The following TBC1D31 variants were observed in gnomAD, a reference collection of about 807,000 sequenced individuals.
TBC1D31 encodes the protein TBC1 domain family member 31.
Under a neutral mutation model 132.9 loss-of-function variants are expected in TBC1D31, and 99 were observed. That is an observed-to-expected ratio of 0.74 (90% CI 0.63 to 0.88). The LOEUF (loss-of-function observed/expected upper bound fraction) is 0.88, where lower values mean the gene tolerates loss of function less well. TBC1D31 is among the 40% of genes least tolerant of loss of function. The pLI, the probability that TBC1D31 is intolerant of heterozygous loss-of-function variation, is 0.00. For synonymous variants in TBC1D31, 385 were observed against 419.4 expected (o/e 0.92, Z 1.00); for missense variants, 1,134 against 1,256.6 (o/e 0.90, Z 1.48).
At chr8:123,152,605 T>A (rs542722190), downstream of TBC1D31, among the ~76,000 whole-genome samples, 1 of 152,316 alleles carries the variant, frequency 6.6e-6, no homozygotes, top group Non-Finnish European at 1.5e-5. Flanking sequence ...ACGTGGTGGC[T>A]CACACCTGTA....
intron 8 of TBC1D31, among the ~76,000 whole-genome samples, chr8:123,106,473 G>A (rs988143196): frequency 1.3e-5 from 2 of 152,096 alleles, no homozygotes; most frequent in Non-Finnish European, 2.9e-5. Flanking sequence ...TATTAGTTAT[G>A]ATAATCTATT....
rs762859502 is a variant in TBC1D31 at position 123,084,192 on chromosome 8, G to C, written c.371G>C (p.Gly124Ala). The C allele has an allele frequency of 2.5e-6, 4 of 1,614,020 alleles. No individual in the cohort carries two copies. The highest frequency in any genetic ancestry group is 1.7e-5 in the Admixed American group (1 of 60,002). The change falls in exon 4 of 22, where the codon GGA becomes GCA. Residue 124 changes from glycine (G) to alanine (A), a missense_variant. Transcript: ENST00000287380. ...AAGGAGCTAGTTAGCTGGATGAGAGGACATGAATCATCAGTATTTTCGATC... is the reference window on the plus strand; with the variant it reads ...AAGGAGCTAGTTAGCTGGATGAGAGCACATGAATCATCAGTATTTTCGATC... ...VTKELVSWMR[G>A]HESSVFSISV... is the part of the protein sequence containing the mutation.
intron 7 of TBC1D31, 93 bp from the exon 8 acceptor site, chr8:123,105,195 T>C: frequency 2.1e-6 from 2 of 944,992 alleles, no homozygotes; most frequent in Non-Finnish European, 2.8e-6. Context: ...TATTAAGGCA[T>C]GTTATTAAAG....
intron 15 of TBC1D31, among the ~76,000 whole-genome samples, chr8:123,129,976 G>T (rs970644456): frequency 1.3e-5 from 2 of 152,144 alleles, no homozygotes; most frequent in African/African-American, 4.8e-5. Flanking sequence ...TATAGTGTGG[G>T]TTAAAAGGAA....
chr8:123,146,983 A>G (rs1355765591), intron 20 of TBC1D31, among the ~76,000 whole-genome samples: 1 of 152,074 alleles, frequency 6.6e-6, no homozygotes, highest in African/African-American at 2.4e-5. Flanking sequence ...GCCGACTCTT[A>G]AAACCACTCA....
intron 20 of TBC1D31, among the ~76,000 whole-genome samples, chr8:123,147,855 C>A (rs1344865113): frequency 6.6e-6 from 1 of 152,074 alleles, no homozygotes; most frequent in African/African-American, 2.4e-5. Context: ...GAGCCCGGCG[C>A]GGTGGCTCAC....
rs141313281 is a variant in TBC1D31, at chr8:123,122,845, C to T, written c.1570+2657C>T. Among the ~76,000 whole-genome samples, 538 of 152,256 alleles carry T rather than the reference C, an allele frequency of 3.5e-3. 6 individuals are homozygous for T. The highest frequency in any genetic ancestry group is 0.028 in the Admixed American group (429 of 15,302). On this transcript the variant is annotated intron_variant, in intron 11 of 21. Transcript: ENST00000287380. Reference sequence around the variant, plus strand: ...AATTGATTTTTCTCTTCTAAACAAACATGCCTGAAATCTAAATTTGGGAGA... The same window carrying T: ...AATTGATTTTTCTCTTCTAAACAAATATGCCTGAAATCTAAATTTGGGAGA...
intron 4 of TBC1D31, among the ~76,000 whole-genome samples, chr8:123,086,398 CG>C (rs762669630): frequency 6.6e-6 from 1 of 152,188 alleles, no homozygotes; most frequent in Non-Finnish European, 1.5e-5. Context: ...CACAAAGACA[CG>C]GGGTCTGGAG....
intron 2 of TBC1D31, 93 bp from the exon 3 acceptor site, chr8:123,082,609 G>T: frequency 1.2e-6 from 1 of 838,510 alleles, no homozygotes; most frequent in Non-Finnish European, 1.8e-6. Flanking sequence ...CATTTTTCTG[G>T]GTTTCATTTT....
rs16898032 is a variant in TBC1D31, at chr8:123,137,002, T to C, written c.2499+2796T>C. ...TGCCCAATTTATCTCTTACATTAGG[T>C]TGATTAAATGTGTCTATTTCTAAAG... On this transcript the variant is annotated intron_variant, in intron 17 of 21. Transcript: ENST00000287380. Among the ~76,000 whole-genome samples, 1,260 of 152,200 alleles carry C rather than the reference T, an allele frequency of 8.3e-3. 15 individuals are homozygous for C. The highest frequency in any genetic ancestry group is 0.029 in the African/African-American group (1,224 of 41,534).
intron 10 of TBC1D31, among the ~76,000 whole-genome samples, chr8:123,117,412 G>A (rs1229299902): frequency 2.6e-5 from 4 of 151,900 alleles, no homozygotes; most frequent in Non-Finnish European, 5.9e-5. Context: ...TAGTAATTTT[G>A]TAGTAGATAA....
rs186221107 is a variant in TBC1D31, at chr8:123,080,479, T to C, written c.225-2223T>C. On this transcript the variant is annotated intron_variant, in intron 2 of 21. Coordinates refer to ENST00000287380, the MANE Select transcript of TBC1D31 (RefSeq NM_145647.4). ...CCCTTTGTAAATGTATGCAAATTTA[T>C]GTAAACTTTTAGACAAGAGCAGAGA... is the stretch of plus-strand genomic sequence containing the variant. Among the ~76,000 whole-genome samples, 20 of 152,094 alleles carry C rather than the reference T, an allele frequency of 1.3e-4. No homozygotes were observed. The East Asian group carries it at 3.9e-3, about 29-fold the overall frequency.
chr8:123,144,079 G>T (rs1821950721), intron 19 of TBC1D31, among the ~76,000 whole-genome samples: 1 of 152,030 alleles, frequency 6.6e-6, no homozygotes, highest in African/African-American at 2.4e-5. Context: ...TTTTAAAAAA[G>T]TTTTTGTTAT....
intron 1 of TBC1D31, chr8:123,074,900 T>C (rs1814334510): frequency 6.6e-6 from 1 of 152,188 alleles, no homozygotes. Flanking sequence ...TCTTCTTGTG[T>C]TTGAGAACTG....
intron 2 of TBC1D31, among the ~76,000 whole-genome samples, chr8:123,079,497 T>C (rs1814910461): frequency 6.6e-6 from 1 of 152,212 alleles, no homozygotes; most frequent in Admixed American, 6.5e-5. Flanking sequence ...TACCCTTTAT[T>C]CTTGCTTAAC....
At chr8:123,074,448 T>TA in intron 1 of TBC1D31, among the ~76,000 whole-genome samples, 1 of 152,342 alleles carries the variant, frequency 6.6e-6, no homozygotes, top group Non-Finnish European at 1.5e-5. Context: ...CTACATTGAA[T>TA]AAAAAATTTT....
Position 123,126,633 on chromosome 8 carries a change from C to A in TBC1D31, c.1830C>A (p.Tyr610Ter). ...TCCTTCTGATGACTGTTGTAGCCTA[C>A]AACATATGTTCTAGAACGCCTCTGC... is the stretch of plus-strand genomic sequence containing the variant. ...PSFLLMTVVA[Y>*]NICSRTPLLS... Residue 610 changes from tyrosine to a stop codon, truncating the protein, a stop_gained, in exon 13 of 22, where the codon TAC becomes TAA. Transcript: ENST00000287380. LOFTEE classifies it high-confidence loss of function. 1 of 1,614,048 alleles carries A rather than the reference C, an allele frequency of 6.2e-7. No individual in the cohort carries two copies. The highest frequency in any genetic ancestry group is 8.5e-7 in the Non-Finnish European group (1 of 1,179,958).
At chr8:123,094,836 C>T (rs879333717) in intron 5 of TBC1D31, among the ~76,000 whole-genome samples, 4 of 152,136 alleles carry the variant, frequency 2.6e-5, no homozygotes, top group South Asian at 4.1e-4. Context: ...CCACTGCACC[C>T]GACCTATTAT....
At chr8:123,130,436 A>G in intron 16 of TBC1D31, 103 bp downstream of exon 16, 1 of 1,049,344 alleles carries the variant, frequency 9.5e-7, no homozygotes, top group Non-Finnish European at 1.3e-6. Context: ...GTCCACCATG[A>G]ATACTAAATA....
Sources: gnomAD v4.1 joint callset for allele counts (sites outside exome capture counted in the v4.1 genomes callset) on GRCh38, gnomAD v4.1.1 for gene constraint, MANE v1.5 for transcripts, NCBI Gene and HGNC (gene_info 2026-07-23, HGNC 2026-07-21) for gene names.